Variants in PRKCA observed in about 807,000 individuals in gnomAD.
PRKCA encodes the protein protein kinase C alpha.
PRKCA carries 27 observed loss-of-function variants against 87.0 expected under a neutral mutation model. The observed-to-expected ratio is 0.31, with a 90% CI of 0.23 to 0.43. PRKCA has a LOEUF of 0.43. PRKCA is among the 20% of genes least tolerant of loss of function. The pLI, the probability that PRKCA is intolerant of heterozygous loss-of-function variation, is 1.00. For synonymous variants in PRKCA, 329 were observed against 311.1 expected, an observed-to-expected ratio of 1.06 and a Z score of -0.61; for missense variants, 518 against 852.3, an observed-to-expected ratio of 0.61 and a Z score of 4.88.
chr17:66,464,617 CATATT>C (rs1233920311), intron 2 of PRKCA, among the ~76,000 whole-genome samples: 1 of 152,158 alleles, frequency 6.6e-6, no homozygotes, highest in Admixed American at 6.5e-5. Context: ...TCCCTAATGA[CATATT>C]ATATTGAGCA....
At chr17:66,451,667 C>T (rs1850339779) in intron 2 of PRKCA, among the ~76,000 whole-genome samples, 1 of 152,090 alleles carries the variant, frequency 6.6e-6, no homozygotes, top group Admixed American at 6.5e-5. Context: ...TAAGGAAGCG[C>T]CCCCTAACGG....
At chr17:66,479,030 C>A (rs1261177506) in intron 2 of PRKCA, among the ~76,000 whole-genome samples, 1 of 152,184 alleles carries the variant, frequency 6.6e-6, no homozygotes, top group African/African-American at 2.4e-5. Flanking sequence ...CAAATGGCAT[C>A]TAATTAAACT....
At chr17:66,587,310 T>C (rs138096403) in intron 3 of PRKCA, among the ~76,000 whole-genome samples, 63 of 152,340 alleles carry the variant, frequency 4.1e-4, no homozygotes, top group African/African-American at 1.5e-3. Flanking sequence ...CTGTACACTT[T>C]TTCAGCATGT....
At chr17:66,742,181 A>T (rs1249354490) in intron 12 of PRKCA, among the ~76,000 whole-genome samples, 1 of 152,228 alleles carries the variant, frequency 6.6e-6, no homozygotes, top group Non-Finnish European at 1.5e-5. Flanking sequence ...ATTGAAGCAT[A>T]ATTAGAAGGA....
At chr17:66,801,125 T>C (rs907421563) in intron 16 of PRKCA, among the ~76,000 whole-genome samples, 2 of 152,236 alleles carry the variant, frequency 1.3e-5, no homozygotes, top group African/African-American at 4.8e-5. Flanking sequence ...CATTCTCCGC[T>C]CTCACATACG....
chr17:66,321,479 G>T (rs575523668), intron 2 of PRKCA, among the ~76,000 whole-genome samples: 218 of 152,230 alleles, frequency 1.4e-3, no homozygotes, highest in Non-Finnish European at 2.2e-3. Context: ...TTGTTCCTTT[G>T]TGCCTGCTAT....
chr17:66,638,404 A>G (rs1598835244), intron 3 of PRKCA: 1 of 152,156 alleles, frequency 6.6e-6, no homozygotes, highest in Non-Finnish European at 1.5e-5. Context: ...TTCATCAACC[A>G]TGTGATTTGG....
chr17:66,763,852 G>A (rs185120677), intron 13 of PRKCA, among the ~76,000 whole-genome samples: 4 of 152,230 alleles, frequency 2.6e-5, no homozygotes, highest in South Asian at 2.1e-4. Context: ...TTATAGGTCC[G>A]TGGGTTCCTT....
Position 66,303,039 on chromosome 17 carries a change from G to T in PRKCA, c.173+15G>T. 6.2e-7 allele frequency: 1 copy of T among 1,603,462 alleles called. No individual in the cohort carries two copies. The highest frequency in any genetic ancestry group is 8.5e-7 in the Non-Finnish European group (1 of 1,175,228). ...GACTTCATCTGGTAGGTGCCGGGCC[G>T]GGCACTCCTGCCCCGCTCCTCCCCG... On this transcript the variant is annotated intron_variant, in intron 1 of 16. Coordinates refer to ENST00000413366, the MANE Select transcript of PRKCA (RefSeq NM_002737.3).
At chr17:66,444,983 CT>C (rs1913959671) in intron 2 of PRKCA, among the ~76,000 whole-genome samples, 1 of 152,126 alleles carries the variant, frequency 6.6e-6, no homozygotes, top group Non-Finnish European at 1.5e-5. Context: ...CCTCACTGAC[CT>C]TATGGGCCCT....
chr17:66,510,605 A>G (rs186001432), intron 3 of PRKCA, among the ~76,000 whole-genome samples: 5 of 152,316 alleles, frequency 3.3e-5, no homozygotes, highest in Admixed American at 6.5e-5. Flanking sequence ...CCATTTGATC[A>G]CTGCCTTTCT....
intron 2 of PRKCA, among the ~76,000 whole-genome samples, chr17:66,444,349 G>A (rs1304439067): frequency 1.3e-5 from 2 of 152,146 alleles, no homozygotes; most frequent in South Asian, 2.1e-4. Flanking sequence ...ATAGTTCAAC[G>A]TTCTGGAATC....
intron 2 of PRKCA, among the ~76,000 whole-genome samples, chr17:66,341,892 T>G (rs902614823): frequency 6.6e-6 from 1 of 152,244 alleles, no homozygotes; most frequent in African/African-American, 2.4e-5. Context: ...AGATTTCTAG[T>G]GAATTATTTT....
chr17:66,400,191 G>A (rs990442852), intron 2 of PRKCA, among the ~76,000 whole-genome samples: 18 of 152,044 alleles, frequency 1.2e-4, no homozygotes, highest in Non-Finnish European at 1.9e-4. Context: ...TAGCTCTGTC[G>A]CCCAGGCTGG....
At chr17:66,776,818 C>T (rs1032539635) in intron 14 of PRKCA, among the ~76,000 whole-genome samples, 4 of 152,176 alleles carry the variant, frequency 2.6e-5, no homozygotes, top group African/African-American at 4.8e-5. Flanking sequence ...GGGCTGTCTG[C>T]GTGCGCAGTG....
rs865827991 is a variant in PRKCA at position 66,717,831 on chromosome 17, C to T, written c.919-14857C>T. ...GCTGACAGTCTGTGGTTCTGAGGCC[C>T]TCGCTGCAGTTGCCAGCAGGAGAAA... On this transcript the variant is annotated intron_variant, in intron 8 of 16. Transcript: ENST00000413366. Among the ~76,000 whole-genome samples the T allele has an allele frequency of 3.3e-5, 5 of 152,354 alleles. No homozygotes were observed. In the South Asian group the frequency reaches 1.0e-3, roughly 32 times the overall value.
intron 13 of PRKCA, among the ~76,000 whole-genome samples, chr17:66,743,492 T>C (rs1460807438): frequency 7.9e-5 from 12 of 152,270 alleles, no homozygotes; most frequent in Admixed American, 7.8e-4. Flanking sequence ...AGTGTGGTTC[T>C]AAGCAAAATG....
chr17:66,732,969 G>C (rs933572101), intron 9 of PRKCA, 144 bp downstream of exon 9: 27 of 1,049,006 alleles, frequency 2.6e-5, no homozygotes, highest in Admixed American at 5.8e-5. Flanking sequence ...GGCTAACACG[G>C]TGAAGCCCCA....
At chr17:66,584,847 C>T (rs182417673) in intron 3 of PRKCA, among the ~76,000 whole-genome samples, 2 of 152,256 alleles carry the variant, frequency 1.3e-5, no homozygotes, top group Admixed American at 1.3e-4. Context: ...TTAATTACAC[C>T]TGCAAAAACC....
Sources: gnomAD v4.1 joint callset for allele counts (sites outside exome capture counted in the v4.1 genomes callset) on GRCh38, gnomAD v4.1.1 for gene constraint, MANE v1.5 for transcripts, NCBI Gene and HGNC (gene_info 2026-07-23, HGNC 2026-07-21) for gene names.